ULK4: variants seen among roughly 807,000 people sequenced by gnomAD.
The protein encoded by ULK4 is inactive serine/threonine-protein kinase ULK4.
In ULK4, 133 loss-of-function variants were observed where a neutral mutation model predicts 160.6. That is an observed-to-expected ratio of 0.83 (90% CI 0.72 to 0.96). The LOEUF is 0.96. Among genes scored for constraint, ULK4 ranks in the 40% least tolerant of loss-of-function variants. The pLI, the probability that ULK4 is intolerant of heterozygous loss-of-function variation, is 0.00. For synonymous variants in ULK4, 534 were observed against 539.8 expected (o/e 0.99, Z 0.15); for missense variants, 1,580 against 1,499.5 (o/e 1.05, Z -0.89).
chr3:41,622,584 C>T (rs2033304403), intron 30 of ULK4, among the ~76,000 whole-genome samples: 1 of 152,054 alleles, frequency 6.6e-6, no homozygotes, highest in African/African-American at 2.4e-5. Flanking sequence ...GAACATCATA[C>T]ACCAGGGCCT....
At chr3:41,540,282 T>G (rs912943503) in intron 32 of ULK4, among the ~76,000 whole-genome samples, 1 of 110,450 alleles carries the variant, frequency 9.1e-6, no homozygotes, top group Admixed American at 9.6e-5. Context: ...AGTGAGAACA[T>G]GTGGTGTTTG....
intron 34 of ULK4, among the ~76,000 whole-genome samples, chr3:41,436,130 T>C (rs973497702): frequency 1.3e-5 from 2 of 152,192 alleles, no homozygotes; most frequent in Non-Finnish European, 2.9e-5. Context: ...CAGTAGTCAA[T>C]AAATTGCATG....
chr3:41,252,366 C>A (rs2078757775), intron 35 of ULK4, among the ~76,000 whole-genome samples: 1 of 151,908 alleles, frequency 6.6e-6, no homozygotes, highest in African/African-American at 2.4e-5. Flanking sequence ...TATAAAAATG[C>A]TAAAAACAAT....
chr3:41,661,385 T>G (rs1289509836), intron 30 of ULK4, among the ~76,000 whole-genome samples: 1 of 152,110 alleles, frequency 6.6e-6, no homozygotes, highest in Non-Finnish European at 1.5e-5. Flanking sequence ...ATTTCAGTAT[T>G]TATGTGTGTG....
intron 22 of ULK4, among the ~76,000 whole-genome samples, chr3:41,749,929 T>A (rs1034201841): frequency 6.6e-6 from 1 of 151,898 alleles, no homozygotes; most frequent in Non-Finnish European, 1.5e-5. Flanking sequence ...CAGTAAACTG[T>A]CAATGAAGAA....
At chr3:41,331,397 T>C (rs2080439964) in intron 35 of ULK4, among the ~76,000 whole-genome samples, 1 of 152,222 alleles carries the variant, frequency 6.6e-6, no homozygotes, top group Non-Finnish European at 1.5e-5. Context: ...CTTGGGATAA[T>C]AATGTGTGCA....
chr3:41,736,474 G>C (rs573455047), intron 22 of ULK4, among the ~76,000 whole-genome samples: 360 of 152,014 alleles, frequency 2.4e-3, no homozygotes, highest in Non-Finnish European at 4.5e-3. Flanking sequence ...GTGTGTTTTG[G>C]CTGCATAAAT....
intron 35 of ULK4, among the ~76,000 whole-genome samples, chr3:41,267,593 A>T (rs987746287): frequency 1.3e-5 from 2 of 152,188 alleles, no homozygotes; most frequent in African/African-American, 2.4e-5. Flanking sequence ...TATCTTGGAC[A>T]CACTCATTTA....
At chr3:41,766,920 C>T (rs2039182924) in intron 21 of ULK4, 2 of 152,216 alleles carry the variant, frequency 1.3e-5, no homozygotes, top group African/African-American at 4.8e-5. Flanking sequence ...CCTCACATCC[C>T]TTAATGGTGT....
rs575547403 is a variant in ULK4, at chr3:41,828,471, G to C, written c.1764+7393C>G. On this transcript the variant is annotated intron_variant, in intron 18 of 36. Coordinates refer to ENST00000301831, the MANE Select transcript of ULK4 (RefSeq NM_017886.4). Reference sequence around the variant, plus strand: ...CAAAGTCTCAGGATACAAAATCAATGTACAAAAATCACAAGCATTCTTATA... The same window carrying C: ...CAAAGTCTCAGGATACAAAATCAATCTACAAAAATCACAAGCATTCTTATA... Among the ~76,000 whole-genome samples the C allele has an allele frequency of 1.4e-4, 19 of 140,560 alleles. No individual in the cohort carries two copies. The East Asian group carries it at 3.8e-3, about 28-fold the overall frequency. The allele number at this position is 140,560 out of a possible 152,430, so 92.2% of individuals were successfully genotyped here.
chr3:41,841,699 A>G lies in ULK4; in HGVS notation c.1657-5728T>C, dbSNP rs183474789. On this transcript the variant is annotated intron_variant, in intron 17 of 36. Coordinates refer to ENST00000301831, the MANE Select transcript of ULK4 (RefSeq NM_017886.4). ...CGATGGCGGTTTTGTCGAAAAGAAA[A>G]GGGGAAATGTGGGGAAAAGAAAGAG... is the stretch of plus-strand genomic sequence containing the variant. Among the ~76,000 whole-genome samples, 1,045 of 152,200 alleles carry G rather than the reference A, an allele frequency of 6.9e-3. 9 individuals are homozygous for G. Among genetic ancestry groups the G allele is most frequent in the African/African-American group, 0.024 (1,009 of 41,548 alleles).
chr3:41,294,693 T>A (rs1400980303), intron 35 of ULK4, among the ~76,000 whole-genome samples: 1 of 152,166 alleles, frequency 6.6e-6, no homozygotes, highest in Non-Finnish European at 1.5e-5. Context: ...TCACCACTCC[T>A]TTTCGACATT....
chr3:41,402,941 G>T (rs2082213325), intron 34 of ULK4, among the ~76,000 whole-genome samples: 1 of 152,052 alleles, frequency 6.6e-6, no homozygotes, highest in Admixed American at 6.6e-5. Context: ...ATCTGAGGTT[G>T]GGAGTTCAAG....
At chr3:41,623,029 G>A (rs2125693352) in intron 30 of ULK4, among the ~76,000 whole-genome samples, 1 of 152,150 alleles carries the variant, frequency 6.6e-6, no homozygotes, top group East Asian at 1.9e-4. Flanking sequence ...GCTACAGTTT[G>A]CAGGTTACCG....
intron 22 of ULK4, among the ~76,000 whole-genome samples, chr3:41,731,501 T>C (rs776932221): frequency 1.3e-5 from 2 of 152,090 alleles, no homozygotes; most frequent in Non-Finnish European, 2.9e-5. Context: ...AATGGAAAGA[T>C]ACTCCATGTT....
intron 25 of ULK4, among the ~76,000 whole-genome samples, chr3:41,709,778 G>A (rs537353584): frequency 6.7e-4 from 102 of 152,072 alleles, no homozygotes; most frequent in African/African-American, 2.3e-3. Context: ...AACTTTTATC[G>A]AATAAAATAT....
intron 31 of ULK4, among the ~76,000 whole-genome samples, chr3:41,606,689 G>A (rs543634173): frequency 6.6e-6 from 1 of 151,874 alleles, no homozygotes. Context: ...TTCTCATCAC[G>A]ATTTTGATTT....
chr3:41,266,537 T>A (rs1459892280), intron 35 of ULK4, among the ~76,000 whole-genome samples: 1 of 152,150 alleles, frequency 6.6e-6, no homozygotes, highest in African/African-American at 2.4e-5. Flanking sequence ...ACGCACAGGC[T>A]GTTTGGCTGC....
chr3:41,640,169 A>G (rs1378268682), intron 30 of ULK4, among the ~76,000 whole-genome samples: 2 of 152,220 alleles, frequency 1.3e-5, no homozygotes. Context: ...CTATTGGCAT[A>G]CAGGCCACTT....
Sources: allele counts gnomAD v4.1 joint callset (sites outside exome capture counted in the v4.1 genomes callset), GRCh38; gene constraint gnomAD v4.1.1; transcripts MANE v1.5; gene names NCBI Gene and HGNC (gene_info 2026-07-23, HGNC 2026-07-21).